CCDC149: variants seen among roughly 807,000 people sequenced by gnomAD.
The protein encoded by CCDC149 is coiled-coil domain containing 149.
CCDC149 carries 45 observed loss-of-function variants against 59.9 expected under a neutral mutation model. The observed-to-expected ratio is 0.75, with a 90% CI of 0.59 to 0.96. CCDC149 has a LOEUF of 0.96. Among genes scored for constraint, CCDC149 ranks in the 40% least tolerant of loss-of-function variants. The pLI, the probability that CCDC149 is intolerant of heterozygous loss-of-function variation, is 0.00. For synonymous variants in CCDC149, 245 were observed against 260.6 expected, an observed-to-expected ratio of 0.94 and a Z score of 0.58; for missense variants, 584 against 664.7, an observed-to-expected ratio of 0.88 and a Z score of 1.33.
At chr4:24,973,566 T>C (rs1289032116) in intron 1 of CCDC149, among the ~76,000 whole-genome samples, 1 of 152,152 alleles carries the variant, frequency 6.6e-6, no homozygotes, top group African/African-American at 2.4e-5. Context: ...CTTGACATTG[T>C]GAGGAGAAAA....
At chr4:24,813,699 G>A (rs911947085) in intron 12 of CCDC149, among the ~76,000 whole-genome samples, 2 of 151,860 alleles carry the variant, frequency 1.3e-5, no homozygotes, top group Non-Finnish European at 1.5e-5. Context: ...GTGGTGTTGA[G>A]CATTTCTTAA....
At chr4:24,919,569 A>G (rs1232275619) in intron 1 of CCDC149, among the ~76,000 whole-genome samples, 1 of 152,254 alleles carries the variant, frequency 6.6e-6, no homozygotes, top group African/African-American at 2.4e-5. Flanking sequence ...GAGGGGCAGG[A>G]TTGAAGACTA....
At chr4:24,940,722 C>T (rs1225887160) in intron 1 of CCDC149, among the ~76,000 whole-genome samples, 2 of 151,444 alleles carry the variant, frequency 1.3e-5, no homozygotes. Context: ...AAATGGAAAA[C>T]AAAAAAAGGC....
chr4:24,906,380 A>ATTTTATTTT (rs1721520840), intron 1 of CCDC149, among the ~76,000 whole-genome samples: 3 of 27,080 alleles, frequency 1.1e-4, no homozygotes, highest in African/African-American at 2.2e-4. Flanking sequence ...ATTTTATTTT[A>ATTTTATTTT]TTTTATTTTA....
At chr4:24,958,433 A>G (rs1338788927) in intron 1 of CCDC149, among the ~76,000 whole-genome samples, 1 of 152,204 alleles carries the variant, frequency 6.6e-6, no homozygotes, top group African/African-American at 2.4e-5. Flanking sequence ...ATCCTACATT[A>G]CATTTCTTCA....
chr4:24,866,277 A>G (rs1328657052), intron 3 of CCDC149, among the ~76,000 whole-genome samples: 1 of 152,140 alleles, frequency 6.6e-6, no homozygotes, highest in Non-Finnish European at 1.5e-5. Flanking sequence ...CTGGACCATG[A>G]GAGATACCTT....
chr4:24,828,633 T>C (rs1463064602), intron 9 of CCDC149: 1 of 151,602 alleles, frequency 6.6e-6, no homozygotes, highest in Non-Finnish European at 1.5e-5. Context: ...TACAAAAAAT[T>C]AGTCAGGCGT....
At chr4:24,971,580 G>A (rs1352644330) in intron 1 of CCDC149, among the ~76,000 whole-genome samples, 1 of 152,184 alleles carries the variant, frequency 6.6e-6, no homozygotes, top group Non-Finnish European at 1.5e-5. Flanking sequence ...CGTTCGGCTC[G>A]CTCCTGCCCA....
intron 1 of CCDC149, among the ~76,000 whole-genome samples, chr4:24,966,696 T>C (rs963779656): frequency 2.0e-5 from 3 of 152,342 alleles, no homozygotes; most frequent in Admixed American, 6.5e-5. Flanking sequence ...GACAGTTGTC[T>C]CTGGAGCAGC....
intron 3 of CCDC149, among the ~76,000 whole-genome samples, chr4:24,872,456 A>G (rs76399768): frequency 0.019 from 2,931 of 152,294 alleles, 85 homozygotes; most frequent in South Asian, 0.072. Context: ...TACCCGCCAA[A>G]TGGTATCTAT....
At chr4:24,938,831 T>G (rs1722861116) in intron 1 of CCDC149, among the ~76,000 whole-genome samples, 1 of 152,130 alleles carries the variant, frequency 6.6e-6, no homozygotes, top group African/African-American at 2.4e-5. Flanking sequence ...CTGCAAGGCA[T>G]CAGCGAGGCT....
intron 1 of CCDC149, among the ~76,000 whole-genome samples, chr4:24,935,724 C>T (rs1395503388): frequency 6.6e-6 from 1 of 152,128 alleles, no homozygotes; most frequent in Non-Finnish European, 1.5e-5. Context: ...ATTTCTGTTG[C>T]TTATAAATCA....
rs542786808 is a variant in CCDC149 at position 24,883,585 on chromosome 4, C to G, written c.64-6888G>C. On this transcript the variant is annotated intron_variant, in intron 1 of 12. Transcript: ENST00000635206. ...ATGTCTTGGAAATCATTCACTTGTT[C>G]TCTGGAATTGAGTCACAGCTCTGAG... Among the ~76,000 whole-genome samples the G allele has an allele frequency of 4.6e-5, 7 of 152,248 alleles. 1 individual carries two copies. In the South Asian group the frequency reaches 1.5e-3, roughly 32 times the overall value.
intron 1 of CCDC149, among the ~76,000 whole-genome samples, chr4:24,929,674 G>C (rs1722530078): frequency 6.6e-6 from 1 of 152,114 alleles, no homozygotes; most frequent in South Asian, 2.1e-4. Flanking sequence ...AAGACCTCCT[G>C]ATTTCCTCCC....
chr4:24,829,697 A>G (rs1283157957), intron 9 of CCDC149: 1 of 152,098 alleles, frequency 6.6e-6, no homozygotes, highest in African/African-American at 2.4e-5. Context: ...CTGTGCATGG[A>G]CTCACCCGGG....
chr4:24,912,188 AG>A (rs1721915022), intron 1 of CCDC149, among the ~76,000 whole-genome samples: 1 of 152,234 alleles, frequency 6.6e-6, no homozygotes, highest in African/African-American at 2.4e-5. Flanking sequence ...GTCGCAGGGC[AG>A]GGGGACACGG....
chr4:24,972,036 C>T (rs1157629515), intron 1 of CCDC149, among the ~76,000 whole-genome samples: 1 of 152,204 alleles, frequency 6.6e-6, no homozygotes, highest in Non-Finnish European at 1.5e-5. Flanking sequence ...ACATCTTACA[C>T]ATATCAATCG....
chr4:24,875,219 A>G (rs1300517813), intron 2 of CCDC149, among the ~76,000 whole-genome samples: 2 of 151,914 alleles, frequency 1.3e-5, no homozygotes, highest in Non-Finnish European at 2.9e-5. Flanking sequence ...AGTCCCAGCT[A>G]CTCGGGAGGC....
At chr4:24,852,772 G>A (rs1449880008) in intron 4 of CCDC149, among the ~76,000 whole-genome samples, 1 of 151,910 alleles carries the variant, frequency 6.6e-6, no homozygotes, top group Non-Finnish European at 1.5e-5. Context: ...ATAACATTTG[G>A]GTTTTATTTT....
Sources: allele counts gnomAD v4.1 joint callset (sites outside exome capture counted in the v4.1 genomes callset), GRCh38; gene constraint gnomAD v4.1.1; transcripts MANE v1.5; gene names NCBI Gene and HGNC (gene_info 2026-07-23, HGNC 2026-07-21).